The following BTG4 variants were observed in gnomAD, a reference collection of about 807,000 sequenced individuals.
BTG4 encodes protein BTG4.
In BTG4, 10 loss-of-function variants were observed where a neutral mutation model predicts 19.3. That is an observed-to-expected ratio of 0.52 (90% CI 0.32 to 0.88). BTG4 has a LOEUF of 0.88. Ranked by LOEUF, BTG4 falls within the 40% of genes least tolerant of loss-of-function variation. The pLI is 0.04. For synonymous variants in BTG4, 91 were observed against 95.7 expected (o/e 0.95, Z 0.29); for missense variants, 238 against 281.9 (o/e 0.84, Z 1.11).
chr11:111,474,884 A>T (rs1348402146), intron 5 of BTG4, among the ~76,000 whole-genome samples: 7 of 152,118 alleles, frequency 4.6e-5, no homozygotes, highest in Non-Finnish European at 1.0e-4. Context: ...CCAGATGACC[A>T]ATGAAACTGA....
At chr11:111,392,814 A>T in the BTG4 span, among the ~76,000 whole-genome samples, 1 of 152,158 alleles carries the variant, frequency 6.6e-6, no homozygotes, top group Admixed American at 6.5e-5. Flanking sequence ...CCTGGGTTTG[A>T]TCCTGCCGCC....
the BTG4 span, among the ~76,000 whole-genome samples, chr11:111,427,950 G>C: frequency 4.6e-5 from 7 of 152,152 alleles, no homozygotes; most frequent in African/African-American, 1.7e-4. Context: ...GACACATACA[G>C]CTCTGTGGGG....
At chr11:111,435,968 C>T in the BTG4 span, among the ~76,000 whole-genome samples, 1 of 152,174 alleles carries the variant, frequency 6.6e-6, no homozygotes, top group Non-Finnish European at 1.5e-5. Context: ...AAGAGTTCTG[C>T]ATGTCACAAA....
the BTG4 span, among the ~76,000 whole-genome samples, chr11:111,393,354 C>T: frequency 5.3e-5 from 8 of 152,186 alleles, no homozygotes; most frequent in African/African-American, 1.9e-4. Context: ...AGCATTGAAA[C>T]ACCTGTTCCT....
At chr11:111,495,344 T>A in intron 4 of BTG4, 30 bp from the exon 5 acceptor site, 1 of 1,580,410 alleles carries the variant, frequency 6.3e-7, no homozygotes, top group African/African-American at 1.4e-5. Flanking sequence ...AGATCTCTAA[T>A]AAGCTAGCTG....
At chr11:111,510,531 C>T (rs992990315) in intron 1 of BTG4, among the ~76,000 whole-genome samples, 4 of 152,136 alleles carry the variant, frequency 2.6e-5, no homozygotes, top group Admixed American at 2.0e-4. Flanking sequence ...CATGGGTCTC[C>T]CTGGTCTCCA....
the BTG4 span, among the ~76,000 whole-genome samples, chr11:111,444,078 G>C: frequency 1.3e-5 from 2 of 152,230 alleles, no homozygotes; most frequent in East Asian, 3.9e-4. Context: ...AATAAATGGA[G>C]AAAAATAAAT....
At chr11:111,401,273 T>G in the BTG4 span, among the ~76,000 whole-genome samples, 1 of 151,848 alleles carries the variant, frequency 6.6e-6, no homozygotes, top group Non-Finnish European at 1.5e-5. Flanking sequence ...GATCACGAGG[T>G]CAGGAGATCG....
chr11:111,501,123 C>G (rs1866048465), intron 1 of BTG4, among the ~76,000 whole-genome samples: 1 of 151,934 alleles, frequency 6.6e-6, no homozygotes, highest in Non-Finnish European at 1.5e-5. Context: ...AATGCAAACA[C>G]TTTGGTCCCA....
chr11:111,446,945 C>T, the BTG4 span, among the ~76,000 whole-genome samples: 1 of 152,174 alleles, frequency 6.6e-6, no homozygotes, highest in Non-Finnish European at 1.5e-5. Context: ...TCCAAATGCA[C>T]TCTGGATTTG....
At chr11:111,498,513 T>C (rs1167549846) in intron 2 of BTG4, 91 bp downstream of exon 2, 8 of 1,172,664 alleles carry the variant, frequency 6.8e-6, no homozygotes, top group Middle Eastern at 2.0e-4. Context: ...TTGTTACTTA[T>C]ATGCAGAAAA....
At chr11:111,404,777 G>C in the BTG4 span, 2 of 414,224 alleles carry the variant, frequency 4.8e-6, no homozygotes, top group Non-Finnish European at 9.6e-6. Flanking sequence ...TTGGAGCTTT[G>C]ATATAAAGAC....
At chr11:111,457,941 G>A in the BTG4 span, 8 of 152,724 alleles carry the variant, frequency 5.2e-5, no homozygotes, top group East Asian at 1.2e-3. Flanking sequence ...AAGACAGTCC[G>A]GCTCCAGGGG....
At chr11:111,500,854 C>G (rs528147192) in intron 1 of BTG4, among the ~76,000 whole-genome samples, 7 of 152,072 alleles carry the variant, frequency 4.6e-5, no homozygotes, top group Non-Finnish European at 8.8e-5. Context: ...TGCAAGTACT[C>G]TTTTTCATTA....
At chr11:111,441,998 G>T in the BTG4 span, among the ~76,000 whole-genome samples, 1 of 152,068 alleles carries the variant, frequency 6.6e-6, no homozygotes. Flanking sequence ...GGAGGAGGTT[G>T]CAGTGAGCCG....
intron 5 of BTG4, among the ~76,000 whole-genome samples, chr11:111,479,506 A>T (rs1250048144): frequency 2.6e-5 from 4 of 152,108 alleles, no homozygotes; most frequent in Admixed American, 6.6e-5. Context: ...TGGCTAAATG[A>T]AGTTCTCTAA....
chr11:111,455,718 G>A, the BTG4 span: 3 of 427,136 alleles, frequency 7.0e-6, no homozygotes, highest in South Asian at 1.6e-5. Flanking sequence ...AAAACAAAAC[G>A]TCCTTTTCCC....
the BTG4 span, among the ~76,000 whole-genome samples, chr11:111,391,190 T>A: frequency 1.3e-5 from 2 of 152,198 alleles, no homozygotes; most frequent in African/African-American, 2.4e-5. Context: ...AGCCCAACTA[T>A]GTTAACGGCA....
the BTG4 span, among the ~76,000 whole-genome samples, chr11:111,432,319 GAATTACAATCCAAC>G: frequency 2.0e-5 from 3 of 152,104 alleles, no homozygotes; most frequent in East Asian, 3.9e-4. Context: ...ACAGCAAGCA[GAATTACAATCCAAC>G]AATTAAGTAA....
Sources: allele counts gnomAD v4.1 joint callset (sites outside exome capture counted in the v4.1 genomes callset), GRCh38; gene constraint gnomAD v4.1.1; transcripts MANE v1.5; gene names NCBI Gene and HGNC (gene_info 2026-07-23, HGNC 2026-07-21).